Variants in ACIN1 observed in about 807,000 individuals in gnomAD.
The protein encoded by ACIN1 is apoptotic chromatin condensation inducer in the nucleus.
A neutral mutation model predicts 146.6 loss-of-function variants in ACIN1; 16 were observed. That is an observed-to-expected ratio of 0.11 (90% CI 0.07 to 0.17). The LOEUF (loss-of-function observed/expected upper bound fraction) is 0.17. ACIN1 is among the 10% of genes least tolerant of loss of function. The pLI is 1.00. For missense variants in ACIN1, 1,357 were observed against 1,609.3 expected (o/e 0.84, Z 2.68); for synonymous variants, 569 against 582.7 (o/e 0.98, Z 0.34).
rs1321289262 is a variant in ACIN1, at chr14:23,080,683, C to T, written c.652G>A (p.Glu218Lys). The change falls in exon 6 of 19, where the codon GAG becomes AAG. Residue 218 changes from glutamate to lysine, a missense_variant. By Grantham distance (56) the Glu-to-Lys change is moderately conservative (BLOSUM62 1). Around this residue, in one of 4 missense-constraint regions of ACIN1, gnomAD observed 771 missense variants for 746.6 expected, o/e 1.03. Coordinates refer to ENST00000605057, the MANE Select transcript of ACIN1 (RefSeq NM_001386863.1). ...TCATCATCTTCTTCCTCCTCCTCCT[C>T]CTCCTCTTCTTCCTCCTCTGTTTTC... is the stretch of plus-strand genomic sequence containing the variant. ...NLKTEEEEEEEEEEEEDDEEE... is the reference protein window; with the variant it reads ...NLKTEEEEEEKEEEEEDDEEE... 1 of 1,613,978 alleles carries T rather than the reference C, an allele frequency of 6.2e-7. No individual in the cohort carries two copies. The highest frequency in any genetic ancestry group is 8.5e-7 in the Non-Finnish European group (1 of 1,179,962).
In ACIN1 at chr14:23,062,283, A is replaced by G; in HGVS notation, c.2992-8T>C. 6.2e-7 allele frequency: 1 copy of G among 1,612,628 alleles called. No individual in the cohort carries two copies. Among genetic ancestry groups the G allele is most frequent in the Non-Finnish European group, 8.5e-7 (1 of 1,178,738 alleles). ...TTCCTCTACTGTTGAGTACTGGTGG[A>G]GGAAGGGAGAAGATGGAGGGTCACA... On this transcript the variant is annotated splice_region_variant and splice_polypyrimidine_tract_variant and intron_variant, in intron 15 of 18. Transcript: ENST00000605057.
chr14:23,069,648 G>GGGGGGCGC, intron 8 of ACIN1, 31 bp from the exon 9 acceptor site: 1 of 589,384 alleles, frequency 1.7e-6, no homozygotes, highest in Non-Finnish European at 3.2e-6. Context: ...TGGTGGGGGG[G>GGGGGGCGC]CGGGCAGAAA....
upstream of ACIN1, chr14:23,095,558 G>C: frequency 2.1e-6 from 1 of 466,790 alleles, no homozygotes; most frequent in Non-Finnish European, 3.8e-6. Flanking sequence ...GGAAGCTGCC[G>C]CAGTAGTTGG....
chr14:23,091,513 T>C (rs937376037), intron 2 of ACIN1, among the ~76,000 whole-genome samples: 1 of 145,722 alleles, frequency 6.9e-6, no homozygotes, highest in African/African-American at 2.6e-5. Flanking sequence ...TGCAGTGAAC[T>C]GAGATCGTGC....
chr14:23,065,412 C>G (rs545949457), intron 10 of ACIN1, among the ~76,000 whole-genome samples: 120 of 152,264 alleles, frequency 7.9e-4, no homozygotes, highest in Non-Finnish European at 1.1e-3. Flanking sequence ...ATGGGGAAAC[C>G]CCATCTCTAC....
intron 4 of ACIN1, among the ~76,000 whole-genome samples, chr14:23,088,453 A>C (rs1055777026): frequency 2.0e-5 from 3 of 152,146 alleles, no homozygotes; most frequent in Non-Finnish European, 2.9e-5. Context: ...AAGGCTCTCT[A>C]TTTTCTCTAG....
In ACIN1 at chr14:23,068,331, G is replaced by A. The variant is rs2047521427; in HGVS notation, c.2265+1145C>T. On this transcript the variant is annotated intron_variant, in intron 9 of 18. Transcript: ENST00000605057. This position sits in a 1 kb window ranked among gnomAD's most constrained non-coding sequence, Gnocchi z 4.3. Reference sequence around the variant, plus strand: ...GTCCTCAAAAGGGCAAGGGCATGTGGGCAGGCGCCCCAGCACTGGCACAAG... The same window carrying A: ...GTCCTCAAAAGGGCAAGGGCATGTGAGCAGGCGCCCCAGCACTGGCACAAG... 1.0e-6 allele frequency: 1 copy of A among 985,974 alleles called. No individual in the cohort carries two copies. Among genetic ancestry groups the A allele is most frequent in the South Asian group, 4.7e-5 (1 of 21,292 alleles). The allele number at this position is 985,974 out of a possible 1,614,324, so 61.1% of individuals were successfully genotyped here.
At chr14:23,080,953 A>G in intron 5 of ACIN1, 144 bp from the exon 6 acceptor site, 5 of 1,442,450 alleles carry the variant, frequency 3.5e-6, no homozygotes, top group Non-Finnish European at 4.6e-6. Flanking sequence ...ACAGGAGACA[A>G]TCATGACTAA....
At chr14:23,093,577 TGAG>T (rs995992005) in intron 1 of ACIN1, 33 bp from the exon 2 acceptor site, 2 of 1,594,838 alleles carry the variant, frequency 1.3e-6, no homozygotes, top group African/African-American at 2.7e-5. Flanking sequence ...TCAGAAATGA[TGAG>T]GAAAAAAAAG....
intron 8 of ACIN1, among the ~76,000 whole-genome samples, chr14:23,075,824 C>T (rs1434208926): frequency 3.3e-5 from 5 of 152,070 alleles, no homozygotes; most frequent in Non-Finnish European, 1.5e-5. Context: ...CCTGTCTCAG[C>T]CTCCTGAGTA....
chr14:23,068,774 A>G lies in ACIN1; in HGVS notation c.2265+702T>C. 1 of 985,528 alleles carries G rather than the reference A, an allele frequency of 1.0e-6. No individual in the cohort carries two copies. Among genetic ancestry groups the G allele is most frequent in the Non-Finnish European group, 1.2e-6 (1 of 829,992 alleles). The allele number at this position is 985,528 out of a possible 1,614,324, so 61.0% of individuals were successfully genotyped here. A position where few individuals can be genotyped will look rare whatever the true frequency, so the allele number is the denominator to read the frequency against. On this transcript the variant is annotated intron_variant, in intron 9 of 18. Transcript: ENST00000605057. The surrounding 1 kb of genome is among the most constrained non-coding windows in gnomAD (Gnocchi z 4.3). Reference sequence around the variant, plus strand: ...CACCCCCGCAACACACACCAGAAAAAGGCTACACACACAACAGTCCCTCCC... The same window carrying G: ...CACCCCCGCAACACACACCAGAAAAGGGCTACACACACAACAGTCCCTCCC...
chr14:23,080,605 T>C lies in ACIN1; in HGVS notation c.730A>G (p.Lys244Glu). 1 of 1,614,140 alleles carries C rather than the reference T, an allele frequency of 6.2e-7. No homozygotes were observed. The highest frequency in any genetic ancestry group is 8.5e-7 in the Non-Finnish European group (1 of 1,180,018). Residue 244 changes from lysine (K) to glutamate (E), a missense_variant, in exon 6 of 19, where the codon AAA (lysine) becomes GAA (glutamate). Coordinates refer to ENST00000605057, the MANE Select transcript of ACIN1 (RefSeq NM_001386863.1). ...GQKSREAPIL[K>E]EFKEEGEEIP... is the part of the protein sequence containing the mutation. Reference sequence around the variant, plus strand: ...TCTTCCCCTTCTTCCTTAAACTCTTTCAGGATTGGTGCCTCCCTAGATTTT... The same window carrying C: ...TCTTCCCCTTCTTCCTTAAACTCTTCCAGGATTGGTGCCTCCCTAGATTTT...
chr14:23,078,361 A>C, intron 7 of ACIN1, 95 bp from the exon 8 acceptor site: 2 of 991,202 alleles, frequency 2.0e-6, no homozygotes, highest in South Asian at 1.4e-5. Context: ...AGGGCAGGAC[A>C]TACACAGTAC....
upstream of ACIN1, chr14:23,095,452 G>C: frequency 9.9e-7 from 1 of 1,007,786 alleles, no homozygotes; most frequent in Non-Finnish European, 1.4e-6. Context: ...CGGACCTAGA[G>C]ATGAGGCGCT....
At chr14:23,066,740 C>G (rs1276921886) in intron 9 of ACIN1, among the ~76,000 whole-genome samples, 2 of 152,144 alleles carry the variant, frequency 1.3e-5, no homozygotes, top group Non-Finnish European at 2.9e-5. Context: ...TTCCAGCCAC[C>G]GCAGGGAGCT....
intron 2 of ACIN1, 74 bp from the exon 3 acceptor site, chr14:23,090,707 G>T: frequency 3.4e-6 from 4 of 1,185,990 alleles, no homozygotes; most frequent in Non-Finnish European, 2.4e-6. Context: ...ATTCCATGGA[G>T]CAAAGGTCCA....
At chr14:23,092,457 G>C (rs531669350) in intron 2 of ACIN1, among the ~76,000 whole-genome samples, 1 of 152,288 alleles carries the variant, frequency 6.6e-6, no homozygotes, top group Non-Finnish European at 1.5e-5. Context: ...AACTTATGCA[G>C]TTTCTTATGC....
chr14:23,079,124 A>C, intron 6 of ACIN1, 86 bp from the exon 7 acceptor site: 1 of 1,334,196 alleles, frequency 7.5e-7, no homozygotes, highest in Non-Finnish European at 1.0e-6. Context: ...GTTTCCATGG[A>C]CCAAATTTTA....
At chr14:23,083,455 G>A (rs1056099842) in intron 4 of ACIN1, among the ~76,000 whole-genome samples, 4 of 152,150 alleles carry the variant, frequency 2.6e-5, no homozygotes, top group Admixed American at 2.6e-4. Flanking sequence ...CTAGGCGGCC[G>A]GGCACGGTGG....
Sources: gnomAD v4.1 joint callset for allele counts (sites outside exome capture counted in the v4.1 genomes callset) on GRCh38, gnomAD v4.1.1 for gene constraint, gnomAD v4.1.1 regional missense constraint, Gnocchi (gnomAD v3.1) non-coding constraint, MANE v1.5 for transcripts, NCBI Gene and HGNC (gene_info 2026-07-23, HGNC 2026-07-21) for gene names.